The following ST3GAL2 variants were observed in gnomAD, a reference collection of about 807,000 sequenced individuals.
The protein encoded by ST3GAL2 is ST3 beta-galactoside alpha-2,3-sialyltransferase 2.
A neutral mutation model predicts 37.5 loss-of-function variants in ST3GAL2; 16 were observed. The ratio of observed to expected loss-of-function variants is 0.43; its 90% CI spans 0.29 to 0.65. The LOEUF (loss-of-function observed/expected upper bound fraction) is 0.65, where lower values mean the gene tolerates loss of function less well. Among genes scored for constraint, ST3GAL2 ranks in the 30% least tolerant of loss-of-function variants. ST3GAL2 has a pLI of 0.17. For synonymous variants in ST3GAL2, 238 were observed against 202.9 expected, an observed-to-expected ratio of 1.17 and a Z score of -1.47; for missense variants, 383 against 487.8, an observed-to-expected ratio of 0.79 and a Z score of 2.02.
chr16:70,418,745 G>A (rs1395748468), intron 1 of ST3GAL2, among the ~76,000 whole-genome samples: 1 of 152,170 alleles, frequency 6.6e-6, no homozygotes, highest in Non-Finnish European at 1.5e-5. Flanking sequence ...GGGGGTGAGA[G>A]GATTAGAAGA....
intron 6 of ST3GAL2, among the ~76,000 whole-genome samples, chr16:70,382,439 C>G (rs1480306173): frequency 3.9e-5 from 6 of 152,072 alleles, no homozygotes; most frequent in Non-Finnish European, 7.3e-5. Context: ...TGCCCCAACA[C>G]GCCTGGCTAA....
chr16:70,386,813 T>C (rs1157909484), intron 4 of ST3GAL2, among the ~76,000 whole-genome samples: 2 of 152,166 alleles, frequency 1.3e-5, no homozygotes, highest in African/African-American at 2.4e-5. Context: ...GCCTAGCTAA[T>C]TGTTTTATTT....
At chr16:70,411,335 AGC>A (rs2047636593) in intron 1 of ST3GAL2, among the ~76,000 whole-genome samples, 1 of 151,854 alleles carries the variant, frequency 6.6e-6, no homozygotes, top group Non-Finnish European at 1.5e-5. Flanking sequence ...AAGTGGGCGG[AGC>A]GGAGATCACA....
intron 2 of ST3GAL2, 147 bp downstream of exon 2, chr16:70,398,045 C>T: frequency 1.2e-6 from 1 of 847,304 alleles, no homozygotes; most frequent in African/African-American, 1.7e-5. Context: ...TCAGTGCTTG[C>T]TCTGCCCTTC....
chr16:70,386,865 C>CT (rs1287028406), intron 4 of ST3GAL2, among the ~76,000 whole-genome samples: 1 of 151,124 alleles, frequency 6.6e-6, no homozygotes, highest in Non-Finnish European at 1.5e-5. Context: ...AGGCTGGTCT[C>CT]TAACTCCTGA....
At chr16:70,402,614 G>A (rs978599546) in intron 1 of ST3GAL2, among the ~76,000 whole-genome samples, 4 of 152,192 alleles carry the variant, frequency 2.6e-5, no homozygotes, top group African/African-American at 7.2e-5. Context: ...GGCTTCAGGA[G>A]TACTGGGTAC....
At chr16:70,434,105 T>C (rs2047808813) in intron 1 of ST3GAL2, among the ~76,000 whole-genome samples, 1 of 152,140 alleles carries the variant, frequency 6.6e-6, no homozygotes, top group African/African-American at 2.4e-5. Context: ...TGGACATTAC[T>C]GTCTCCTCCA....
rs753217630 is a variant in ST3GAL2, at chr16:70,394,954, C to A, written c.533+28G>T. The stretch of plus-strand genomic sequence containing the variant: ...CCCCTTCCCGGAGGCCCATCCTGAG[C>A]CCACCCTTGGGCTCCACAGGGGCTC... On this transcript the variant is annotated intron_variant, in intron 3 of 6. Transcript: ENST00000342907. 2.5e-6 allele frequency: 4 copies of A among 1,603,434 alleles called. No individual in the cohort carries two copies. In the South Asian group the frequency reaches 4.4e-5, roughly 18 times the overall value.
intron 4 of ST3GAL2, among the ~76,000 whole-genome samples, chr16:70,387,142 G>C (rs1057470482): frequency 1.3e-5 from 2 of 152,082 alleles, no homozygotes; most frequent in African/African-American, 4.8e-5. Flanking sequence ...TGTGATCCCA[G>C]CTACTCAGAA....
intron 1 of ST3GAL2, among the ~76,000 whole-genome samples, chr16:70,426,309 T>C (rs1188566142): frequency 1.4e-5 from 2 of 146,372 alleles, no homozygotes; most frequent in African/African-American, 5.0e-5. Context: ...TTCTCCTGCC[T>C]CAGCCTCCCG....
rs1432627541 is a variant in ST3GAL2, at chr16:70,377,867, G to A, written c.*3822C>T. On this transcript the variant is annotated 3_prime_UTR_variant, in exon 7 of 7. Transcript: ENST00000342907. ...CAACCAGGAGTGAAACACACCTGTG[G>A]AGGCAGGGAACTCAGGAAATCAAGG... The A allele has an allele frequency of 1.3e-5, 2 of 152,070 alleles. No individual in the cohort carries two copies. Among genetic ancestry groups the A allele is most frequent in the African/African-American group, 2.4e-5 (1 of 41,420 alleles). 9.4% of individuals were successfully genotyped at this position (152,070 alleles called of 1,614,324 possible). A position where few individuals can be genotyped will look rare whatever the true frequency, so the allele number is the denominator to read the frequency against.
At chr16:70,423,028 G>A (rs1207156223) in intron 1 of ST3GAL2, 3 of 152,278 alleles carry the variant, frequency 2.0e-5, no homozygotes, top group Non-Finnish European at 4.4e-5. Flanking sequence ...TCCCTCAACA[G>A]AATTGAGAAA....
At chr16:70,434,330 G>A (rs2047810877) in intron 1 of ST3GAL2, among the ~76,000 whole-genome samples, 1 of 152,018 alleles carries the variant, frequency 6.6e-6, no homozygotes, top group Non-Finnish European at 1.5e-5. Flanking sequence ...CCAGCTACTC[G>A]GGAGGCTGAG....
chr16:70,416,989 C>T (rs756807251), intron 1 of ST3GAL2, among the ~76,000 whole-genome samples: 3 of 152,192 alleles, frequency 2.0e-5, no homozygotes, highest in East Asian at 1.9e-4. Context: ...CCGTTCACCT[C>T]GGCTCAAAGC....
Position 70,381,224 on chromosome 16 carries a change from G to A in ST3GAL2, c.*465C>T, listed in dbSNP as rs534746989. 1.2e-3 allele frequency: 195 copies of A among 156,196 alleles called. 1 individual carries two copies. Among genetic ancestry groups the A allele is most frequent in the Non-Finnish European group, 2.0e-3 (141 of 70,180 alleles). The allele number at this position is 156,196 out of a possible 1,614,324, so 9.7% of individuals were successfully genotyped here. Reference sequence around the variant, plus strand: ...ATCCGGGCAGGCGGGGAAAGGGGCCGGGCGGCCACCTATCTCCTGAGGCCC... The same window carrying A: ...ATCCGGGCAGGCGGGGAAAGGGGCCAGGCGGCCACCTATCTCCTGAGGCCC... On this transcript the variant is annotated 3_prime_UTR_variant, in exon 7 of 7. Coordinates refer to ENST00000342907, the MANE Select transcript of ST3GAL2 (RefSeq NM_006927.4).
At position 70,383,204 on chromosome 16, in the gene ST3GAL2, C is replaced by T; in HGVS notation, c.745G>A (p.Val249Met). ...GGGGAGCTTACCTTTTCTTTATCCA[C>T]TCGAAGGAAGGACTTCACTGGGGCG... The part of the protein sequence containing the change: ...TYAPVKSFLR[V>M]DKEKVQIYNP... The change falls in exon 5 of 7, where the codon GTG (valine) becomes ATG (methionine). Residue 249 changes from valine to methionine, a missense_variant. Val to Met is a conservative substitution (Grantham distance 21). This residue lies in a region of ST3GAL2 where 160 missense variants were observed against 248.6 expected (regional missense o/e 0.64). Transcript: ENST00000342907. 6.2e-7 allele frequency: 1 copy of T among 1,611,114 alleles called. No individual in the cohort carries two copies. Among genetic ancestry groups the T allele is most frequent in the Non-Finnish European group, 8.5e-7 (1 of 1,179,294 alleles).
intron 1 of ST3GAL2, among the ~76,000 whole-genome samples, chr16:70,410,884 T>C (rs562253714): frequency 6.7e-6 from 1 of 148,900 alleles, no homozygotes; most frequent in Non-Finnish European, 1.5e-5. Context: ...GCGGCCACTC[T>C]CTTTTTCGCT....
intron 4 of ST3GAL2, among the ~76,000 whole-genome samples, chr16:70,387,795 A>G (rs2047452969): frequency 6.6e-6 from 1 of 152,080 alleles, no homozygotes; most frequent in Non-Finnish European, 1.5e-5. Context: ...CTCAGTCAGG[A>G]GCCATCACCC....
rs2047396600 is a variant in ST3GAL2, at chr16:70,380,894, AG to A, written c.*794del. On this transcript the variant is annotated 3_prime_UTR_variant, in exon 7 of 7. Transcript: ENST00000342907. ...GGGATTTTTTTCCAGAGCAACAGGTAGGCTGGTGAGGAGGCCTCCGGCCCAG... is the reference window on the plus strand; with the variant it reads ...GGGATTTTTTTCCAGAGCAACAGGTAGCTGGTGAGGAGGCCTCCGGCCCAG... 6.5e-6 allele frequency: 1 copy of A among 154,112 alleles called. No homozygotes were observed. The highest frequency in any genetic ancestry group is 1.4e-5 in the Non-Finnish European group (1 of 69,548). The allele number at this position is 154,112 out of a possible 1,614,324, so 9.5% of individuals were successfully genotyped here. A position where few individuals can be genotyped will look rare whatever the true frequency, so the allele number is the denominator to read the frequency against.
Sources: allele counts gnomAD v4.1 joint callset (sites outside exome capture counted in the v4.1 genomes callset), GRCh38; gene constraint gnomAD v4.1.1; regional missense constraint gnomAD v4.1.1; transcripts MANE v1.5; gene names NCBI Gene and HGNC (gene_info 2026-07-23, HGNC 2026-07-21).